RAB3C: variants seen among roughly 807,000 people sequenced by gnomAD.
RAB3C encodes the protein ras-related protein Rab-3C.
RAB3C carries 17 observed loss-of-function variants against 26.4 expected under a neutral mutation model. The ratio of observed to expected loss-of-function variants is 0.64; its 90% CI spans 0.44 to 0.97. The LOEUF (loss-of-function observed/expected upper bound fraction) is 0.97, where lower values mean the gene tolerates loss of function less well. Ranked by LOEUF, RAB3C falls within the 50% of genes least tolerant of loss-of-function variation. The pLI, the probability that RAB3C is intolerant of heterozygous loss-of-function variation, is 0.00. For synonymous variants in RAB3C, 91 were observed against 95.9 expected, an observed-to-expected ratio of 0.95 and a Z score of 0.30; for missense variants, 242 against 281.9, an observed-to-expected ratio of 0.86 and a Z score of 1.01.
At chr5:58,674,201 AT>A (rs1409270182) in intron 2 of RAB3C, among the ~76,000 whole-genome samples, 1 of 152,228 alleles carries the variant, frequency 6.6e-6, no homozygotes, top group Non-Finnish European at 1.5e-5. Context: ...GATGTTTATT[AT>A]TTAGTGAGAG....
At chr5:58,796,698 G>T (rs1022414147) in intron 3 of RAB3C, among the ~76,000 whole-genome samples, 1 of 152,226 alleles carries the variant, frequency 6.6e-6, no homozygotes, top group African/African-American at 2.4e-5. Context: ...TCCGGTGAGT[G>T]CAGGAGCTGT....
At chr5:58,718,518 G>T (rs181061200) in intron 2 of RAB3C, among the ~76,000 whole-genome samples, 51 of 152,118 alleles carry the variant, frequency 3.4e-4, no homozygotes, top group Admixed American at 3.1e-3. Context: ...TAATAGGTCA[G>T]GTTTTATCCT....
intron 2 of RAB3C, among the ~76,000 whole-genome samples, chr5:58,689,666 A>G (rs760282193): frequency 6.6e-6 from 1 of 152,070 alleles, no homozygotes; most frequent in African/African-American, 2.4e-5. Flanking sequence ...GAGCAGATCC[A>G]AAATTATTTC....
At chr5:58,650,817 A>G (rs953460567) in intron 2 of RAB3C, among the ~76,000 whole-genome samples, 1 of 152,224 alleles carries the variant, frequency 6.6e-6, no homozygotes, top group Non-Finnish European at 1.5e-5. Flanking sequence ...TATTTGGTAA[A>G]TAACTTCCAC....
intron 4 of RAB3C, among the ~76,000 whole-genome samples, chr5:58,841,559 G>A (rs1743876665): frequency 1.3e-5 from 2 of 152,110 alleles, no homozygotes; most frequent in South Asian, 4.1e-4. Context: ...GGTATGGGGA[G>A]TGCAAACCTT....
At chr5:58,798,806 C>T (rs1014247966) in intron 3 of RAB3C, among the ~76,000 whole-genome samples, 1 of 152,100 alleles carries the variant, frequency 6.6e-6, no homozygotes, top group Non-Finnish European at 1.5e-5. Flanking sequence ...GTATACTAAA[C>T]CTGTAGTATT....
upstream of RAB3C, chr5:58,582,424 C>A (rs921813462): frequency 1.0e-6 from 1 of 985,298 alleles, no homozygotes; most frequent in African/African-American, 1.7e-5. Flanking sequence ...GGTAAGCAGG[C>A]GAAAGGAGTT....
upstream of RAB3C, chr5:58,582,510 G>C (rs1398239263): frequency 1.4e-5 from 9 of 638,204 alleles, no homozygotes; most frequent in Non-Finnish European, 1.8e-5. Context: ...ATGTACGCGC[G>C]CGCGACTTCT....
At chr5:58,789,088 G>A (rs1393169758) in intron 3 of RAB3C, among the ~76,000 whole-genome samples, 1 of 152,052 alleles carries the variant, frequency 6.6e-6, no homozygotes, top group Non-Finnish European at 1.5e-5. Flanking sequence ...AGCCATGAGA[G>A]AAGGAAAATG....
chr5:58,823,029 C>T (rs946597804), intron 3 of RAB3C: 1 of 593,678 alleles, frequency 1.7e-6, no homozygotes, highest in Non-Finnish European at 3.2e-6. Flanking sequence ...TGTTCTGTCC[C>T]TCACAGTACC....
chr5:58,606,245 C>G (rs1394981347), intron 1 of RAB3C, among the ~76,000 whole-genome samples: 3 of 152,238 alleles, frequency 2.0e-5, no homozygotes, highest in East Asian at 3.9e-4. Context: ...AGGAAATTCT[C>G]TCCTGTGTGT....
intron 1 of RAB3C, among the ~76,000 whole-genome samples, chr5:58,602,891 T>G (rs1474055683): frequency 1.3e-5 from 2 of 152,126 alleles, no homozygotes; most frequent in Non-Finnish European, 2.9e-5. Flanking sequence ...TGCAATGGTA[T>G]TTTTGTTTTA....
At chr5:58,681,922 A>G (rs1748351891) in intron 2 of RAB3C, among the ~76,000 whole-genome samples, 1 of 152,216 alleles carries the variant, frequency 6.6e-6, no homozygotes, top group African/African-American at 2.4e-5. Context: ...AAGGGAAGGA[A>G]CAGATTTGAG....
intron 3 of RAB3C, among the ~76,000 whole-genome samples, chr5:58,775,704 T>A (rs572809397): frequency 1.4e-4 from 21 of 152,198 alleles, no homozygotes; most frequent in South Asian, 1.0e-3. Flanking sequence ...AATTTTTTTT[T>A]AAAATACCTA....
At chr5:58,653,074 A>C (rs1299526545) in intron 2 of RAB3C, among the ~76,000 whole-genome samples, 1 of 152,114 alleles carries the variant, frequency 6.6e-6, no homozygotes, top group Non-Finnish European at 1.5e-5. Context: ...AGCACCCATC[A>C]ACCCGTCATC....
At position 58,842,924 on chromosome 5, in the gene RAB3C, G is replaced by A. The variant is rs529308218; in HGVS notation, c.497-8240G>A. ...AAAGGATAAGAAATCCCAAGAACTT[G>A]TAAATGAAGCCAACAGCTAGTGGAA... On this transcript the variant is annotated intron_variant, in intron 4 of 4. Transcript: ENST00000282878. Among the ~76,000 whole-genome samples, 116 of 152,344 alleles carry A rather than the reference G, an allele frequency of 7.6e-4. 1 individual carries two copies. Among genetic ancestry groups the A allele is most frequent in the African/African-American group, 2.5e-3 (105 of 41,588 alleles).
chr5:58,618,126 C>T (rs1412300642), intron 2 of RAB3C, among the ~76,000 whole-genome samples: 2 of 152,012 alleles, frequency 1.3e-5, no homozygotes, highest in South Asian at 2.1e-4. Flanking sequence ...AAATCCAAAC[C>T]TCTATCTTGT....
At chr5:58,794,241 C>T (rs9292177) in intron 3 of RAB3C, 32 of 148,914 alleles carry the variant, frequency 2.1e-4, no homozygotes, top group African/African-American at 7.8e-4. Flanking sequence ...ATAATGCCCC[C>T]CATTTTTTTC....
At chr5:58,844,614 A>G (rs1743947361) in intron 4 of RAB3C, among the ~76,000 whole-genome samples, 1 of 152,214 alleles carries the variant, frequency 6.6e-6, no homozygotes, top group Non-Finnish European at 1.5e-5. Context: ...CTTTCCTTGC[A>G]GTTCTGGCCC....
Sources: gnomAD v4.1 joint callset for allele counts (sites outside exome capture counted in the v4.1 genomes callset) on GRCh38, gnomAD v4.1.1 for gene constraint, MANE v1.5 for transcripts, NCBI Gene and HGNC (gene_info 2026-07-23, HGNC 2026-07-21) for gene names.